CES5A: variants seen among roughly 807,000 people sequenced by gnomAD.
CES5A encodes the protein carboxylesterase 5A, also known as carboxylesterase 5.
CES5A carries 67 observed loss-of-function variants against 62.9 expected under a neutral mutation model. The observed-to-expected ratio is 1.07, with a 90% CI of 0.88 to 1.31. The LOEUF (loss-of-function observed/expected upper bound fraction) is 1.31. Ranked by LOEUF, CES5A falls within the 50% of genes most tolerant of loss-of-function variation. The pLI, the probability that CES5A is intolerant of heterozygous loss-of-function variation, is 0.00. For missense variants in CES5A, 748 were observed against 708.5 expected, an observed-to-expected ratio of 1.06 and a Z score of -0.63; for synonymous variants, 296 against 280.8, an observed-to-expected ratio of 1.05 and a Z score of -0.54.
chr16:55,852,303 G>A (rs2033148277), intron 10 of CES5A, among the ~76,000 whole-genome samples: 1 of 151,986 alleles, frequency 6.6e-6, no homozygotes, highest in Non-Finnish European at 1.5e-5. Context: ...TTTTGTTATT[G>A]ATTTCTAATT....
intron 4 of CES5A, 41 bp from the exon 5 acceptor site, chr16:55,866,157 G>A: frequency 6.3e-7 from 1 of 1,584,656 alleles, no homozygotes; most frequent in African/African-American, 1.3e-5. Flanking sequence ...GGTCAGCCAT[G>A]GTGTGTTTCC....
chr16:55,952,876 C>A, intron 1 of CES5A, among the ~76,000 whole-genome samples: 1 of 152,098 alleles, frequency 6.6e-6, no homozygotes, highest in East Asian at 1.9e-4. Flanking sequence ...CTATGCAGGG[C>A]ATGGAAGAAG....
At chr16:55,871,572 C>A in intron 3 of CES5A, 53 bp downstream of exon 3, 4 of 1,604,092 alleles carry the variant, frequency 2.5e-6, no homozygotes, top group Non-Finnish European at 3.4e-6. Context: ...TGCCTGGATC[C>A]CAGGCCAAGG....
intron 1 of CES5A, among the ~76,000 whole-genome samples, chr16:55,908,603 G>T (rs1815986): frequency 0.031 from 4,728 of 152,132 alleles, 149 homozygotes; most frequent in East Asian, 0.11. Flanking sequence ...CACGTGATCC[G>T]CCCACCTTGG....
intron 2 of CES5A, chr16:55,944,225 G>GAA: frequency 1.6e-6 from 1 of 644,906 alleles, no homozygotes; most frequent in South Asian, 1.7e-5. Context: ...CTCTGAACAA[G>GAA]ACCCCTCTCC....
At chr16:55,858,254 T>C (rs1472874499) in intron 8 of CES5A, among the ~76,000 whole-genome samples, 2 of 152,176 alleles carry the variant, frequency 1.3e-5, no homozygotes, top group Non-Finnish European at 2.9e-5. Flanking sequence ...GCATAAAAAT[T>C]ATACACCCCT....
At position 55,952,035 on chromosome 16, in the gene CES5A, G is replaced by A. The variant is rs536882653; in HGVS notation, c.43-2133C>T. Among the ~76,000 whole-genome samples the A allele has an allele frequency of 1.2e-4, 18 of 152,162 alleles. No individual in the cohort carries two copies. The South Asian group carries it at 1.2e-3, about 11-fold the overall frequency. On this transcript the variant is annotated intron_variant, in intron 1 of 13. Coordinates refer to the CES5A transcript ENST00000521992. ...GGAGCATTCAAAAAAAATTACTCACGTAGTAGGCCACAAAGGAAACCTCAA... is the reference window on the plus strand; with the variant it reads ...GGAGCATTCAAAAAAAATTACTCACATAGTAGGCCACAAAGGAAACCTCAA...
chr16:55,913,785 C>T (rs1299127680), intron 1 of CES5A, among the ~76,000 whole-genome samples: 4 of 152,218 alleles, frequency 2.6e-5, no homozygotes, highest in Non-Finnish European at 5.9e-5. Context: ...TATCAAGTCC[C>T]TTCATGAATG....
chr16:55,855,564 AATGCAGCACCTATGCTGCGTGTTATGAC>A (rs1256645176), intron 9 of CES5A, among the ~76,000 whole-genome samples: 1 of 152,206 alleles, frequency 6.6e-6, no homozygotes, highest in Non-Finnish European at 1.5e-5. Flanking sequence ...GTAGGTAGAT[AATGCAGCACCTATGCTGCGTGTTATGAC>A]ACAGGCTCAG....
chr16:55,882,943 A>G (rs1404839839), intron 1 of CES5A, among the ~76,000 whole-genome samples: 4 of 152,208 alleles, frequency 2.6e-5, no homozygotes, highest in African/African-American at 9.6e-5. Context: ...CCAGGCAGTG[A>G]AATGGACTAT....
rs771701068 is a variant in CES5A, at chr16:55,861,482, G to A, written c.845C>T (p.Ala282Val). ...CCTCAGCAGGGCCTCAGAGTCTGAC[G>A]CATTGTTACCACAGAAATGTGCAAC... ...QVVAHFCGNN[A>V]SDSEALLRCL... The change falls in exon 7 of 13, where the codon GCG becomes GTG. Residue 282 changes from alanine to valine, a missense_variant. Ala to Val is a moderately conservative substitution (Grantham distance 64). Transcript: ENST00000290567. The A allele has an allele frequency of 1.9e-5, 30 of 1,613,488 alleles. 1 individual carries two copies. Among genetic ancestry groups the A allele is most frequent in the African/African-American group, 2.7e-5 (2 of 74,916 alleles).
chr16:55,947,494 C>A (rs1179850540), intron 2 of CES5A, among the ~76,000 whole-genome samples: 7 of 152,056 alleles, frequency 4.6e-5, no homozygotes, highest in Non-Finnish European at 8.8e-5. Context: ...ATAAAGTGAA[C>A]AAAACACTTC....
upstream of CES5A, among the ~76,000 whole-genome samples, chr16:55,926,167 A>C (rs1438822326): frequency 1.3e-5 from 2 of 152,204 alleles, no homozygotes; most frequent in Non-Finnish European, 2.9e-5. Flanking sequence ...GGTTATGGAC[A>C]CACCAAGTAC....
chr16:55,932,440 G>A (rs139518502), intron 2 of CES5A, among the ~76,000 whole-genome samples: 1 of 152,200 alleles, frequency 6.6e-6, no homozygotes, highest in East Asian at 1.9e-4. Context: ...TTTACTGTCA[G>A]TGGATGAGAC....
intron 2 of CES5A, among the ~76,000 whole-genome samples, chr16:55,941,110 A>G (rs2034441025): frequency 6.6e-6 from 1 of 152,024 alleles, no homozygotes; most frequent in South Asian, 2.1e-4. Context: ...ATGAATTCTC[A>G]CTGCTCCTTT....
At chr16:55,847,981 C>T (rs567266567) in intron 11 of CES5A, among the ~76,000 whole-genome samples, 2 of 152,300 alleles carry the variant, frequency 1.3e-5, no homozygotes, top group East Asian at 3.9e-4. Flanking sequence ...ATGATCATAG[C>T]TCACCGCAGC....
chr16:55,950,321 A>G (rs2034541203), intron 1 of CES5A, among the ~76,000 whole-genome samples: 1 of 152,222 alleles, frequency 6.6e-6, no homozygotes, highest in African/African-American at 2.4e-5. Flanking sequence ...TAACAAACTG[A>G]AGAACTACAT....
intron 2 of CES5A, among the ~76,000 whole-genome samples, chr16:55,944,811 T>G (rs1468986882): frequency 6.6e-6 from 1 of 152,176 alleles, no homozygotes; most frequent in Non-Finnish European, 1.5e-5. Flanking sequence ...TGAAGTGAAT[T>G]TCTCGTCCTG....
intron 1 of CES5A, among the ~76,000 whole-genome samples, chr16:55,920,604 C>A (rs1330533343): frequency 6.6e-6 from 1 of 152,160 alleles, no homozygotes; most frequent in Non-Finnish European, 1.5e-5. Context: ...GAAAATGAGT[C>A]AATTACCTAG....
Sources: allele counts gnomAD v4.1 joint callset (sites outside exome capture counted in the v4.1 genomes callset), GRCh38; gene constraint gnomAD v4.1.1; transcripts MANE v1.5; gene names NCBI Gene and HGNC (gene_info 2026-07-23, HGNC 2026-07-21).